CHLSN: variants seen among roughly 807,000 people sequenced by gnomAD.
CHLSN encodes the protein cholesin, also known as protein cholesin.
At chr7:1,066,520 T>G in the CHLSN span, among the ~76,000 whole-genome samples, 1 of 152,276 alleles carries the variant, frequency 6.6e-6, no homozygotes, top group Admixed American at 6.5e-5. Flanking sequence ...TTCCAGTAAG[T>G]TGGGAAGTCC....
chr7:1,084,372 G>A, the CHLSN span, among the ~76,000 whole-genome samples: 1 of 152,254 alleles, frequency 6.6e-6, no homozygotes, highest in East Asian at 1.9e-4. Context: ...CCTGGCATGT[G>A]AGACACGGCG....
At chr7:1,095,715 C>T in the CHLSN span, among the ~76,000 whole-genome samples, 1 of 152,200 alleles carries the variant, frequency 6.6e-6, no homozygotes, top group Non-Finnish European at 1.5e-5. Context: ...CTAGAAGGGT[C>T]AGTCACTGCT....
the CHLSN span, among the ~76,000 whole-genome samples, chr7:1,114,382 G>A: frequency 6.6e-6 from 1 of 152,254 alleles, no homozygotes; most frequent in Non-Finnish European, 1.5e-5. Flanking sequence ...AGAGGCAAAT[G>A]CGCCCCTGTC....
chr7:1,077,981 AGTG>A, the CHLSN span: 1 of 152,178 alleles, frequency 6.6e-6, no homozygotes, highest in South Asian at 2.1e-4. Flanking sequence ...GCAACTTCAC[AGTG>A]GTGGGAAGTT....
chr7:1,085,795 T>C, the CHLSN span, among the ~76,000 whole-genome samples: 5 of 150,890 alleles, frequency 3.3e-5, no homozygotes, highest in African/African-American at 1.2e-4. Flanking sequence ...ATCAGGCCAC[T>C]GCACACTGGC....
At chr7:1,108,905 T>C in the CHLSN span, among the ~76,000 whole-genome samples, 1 of 151,398 alleles carries the variant, frequency 6.6e-6, no homozygotes, top group Non-Finnish European at 1.5e-5. Flanking sequence ...ATTTTTTTTT[T>C]TTTTTTTTTG....
chr7:1,004,920 A>G, the CHLSN span, among the ~76,000 whole-genome samples: 1 of 152,162 alleles, frequency 6.6e-6, no homozygotes, highest in East Asian at 1.9e-4. Flanking sequence ...AGAGCGTCCC[A>G]GAGAGAAGAA....
At chr7:1,107,469 C>T in the CHLSN span, among the ~76,000 whole-genome samples, 18 of 152,226 alleles carry the variant, frequency 1.2e-4, no homozygotes, top group Non-Finnish European at 1.2e-4. Flanking sequence ...TCTTCCCACT[C>T]TACAGAGAAT....
At chr7:1,059,488 G>A in the CHLSN span, among the ~76,000 whole-genome samples, 1 of 140,838 alleles carries the variant, frequency 7.1e-6, no homozygotes, top group Non-Finnish European at 1.5e-5. Context: ...AGGGTCCATA[G>A]TGGGGCGGGT....
At chr7:984,558 C>T in the CHLSN span, 1 of 1,561,720 alleles carries the variant, frequency 6.4e-7, no homozygotes, top group Non-Finnish European at 8.7e-7. Context: ...TCTTCCAGCT[C>T]ATCCAGCGAG....
the CHLSN span, chr7:986,301 CTCTG>C: frequency 5.5e-6 from 2 of 363,126 alleles, no homozygotes; most frequent in Non-Finnish European, 1.0e-5. Context: ...CTGAGGTCTG[CTCTG>C]TCTTCCATTC....
At chr7:1,026,820 G>T in the CHLSN span, 1 of 152,284 alleles carries the variant, frequency 6.6e-6, no homozygotes, top group Admixed American at 6.5e-5. Flanking sequence ...ACAAAGCTAC[G>T]TGGATTTTCC....
chr7:1,060,720 T>G, the CHLSN span, among the ~76,000 whole-genome samples: 1 of 152,220 alleles, frequency 6.6e-6, no homozygotes, highest in Non-Finnish European at 1.5e-5. Context: ...TTCTGAGCTG[T>G]TTCTGTCAGT....
the CHLSN span, among the ~76,000 whole-genome samples, chr7:1,002,476 TGTGGGTGGGGAGTCCTG>T: frequency 9.4e-6 from 1 of 105,868 alleles, no homozygotes; most frequent in Non-Finnish European, 1.9e-5. Flanking sequence ...AGTGGAGTCC[TGTGGGTGGGGAGTCCTG>T]TGGGTGAGTG....
chr7:1,136,411 CATATATATAAAT>C, the CHLSN span, among the ~76,000 whole-genome samples: 1 of 31,000 alleles, frequency 3.2e-5, no homozygotes, highest in African/African-American at 1.6e-4. Flanking sequence ...TATATATAAA[CATATATATAAAT>C]ATATATAAAC....
the CHLSN span, among the ~76,000 whole-genome samples, chr7:1,005,874 G>A: frequency 1.1e-4 from 16 of 152,302 alleles, no homozygotes; most frequent in South Asian, 2.9e-3. Context: ...CTCCCGCCTC[G>A]AGCAGACCCA....
chr7:1,028,279 C>A, the CHLSN span: 1 of 1,077,586 alleles, frequency 9.3e-7, no homozygotes, highest in South Asian at 2.2e-5. Context: ...CTGTCAGGTC[C>A]CGCGGGCACG....
At chr7:1,049,222 C>T in the CHLSN span, among the ~76,000 whole-genome samples, 1 of 152,240 alleles carries the variant, frequency 6.6e-6, no homozygotes, top group African/African-American at 2.4e-5. Flanking sequence ...CACACGTGTC[C>T]GTTCACAAAG....
chr7:1,119,069 A>G, the CHLSN span, among the ~76,000 whole-genome samples: 1 of 152,092 alleles, frequency 6.6e-6, no homozygotes, highest in African/African-American at 2.4e-5. Flanking sequence ...CCCGGCCAAC[A>G]TGGTGAAACC....
Sources: allele counts gnomAD v4.1 joint callset (sites outside exome capture counted in the v4.1 genomes callset), GRCh38; gene constraint gnomAD v4.1.1; transcripts MANE v1.5; gene names NCBI Gene and HGNC (gene_info 2026-07-23, HGNC 2026-07-21).